ZNF470: variants seen among roughly 807,000 people sequenced by gnomAD.
ZNF470 encodes zinc finger protein 470.
A neutral mutation model predicts 13.9 loss-of-function variants in ZNF470; 13 were observed. That is an observed-to-expected ratio of 0.94 (90% CI 0.61 to 1.49). The LOEUF is 1.49. Ranked by LOEUF, ZNF470 falls within the 40% of genes most tolerant of loss-of-function variation. The pLI, the probability that ZNF470 is intolerant of heterozygous loss-of-function variation, is 0.00. For synonymous variants in ZNF470, 293 were observed against 282.9 expected, an observed-to-expected ratio of 1.04 and a Z score of -0.36; for missense variants, 929 against 857.3, an observed-to-expected ratio of 1.08 and a Z score of -1.04.
In ZNF470 at chr19:56,577,418, A is replaced by T; in HGVS notation, c.989A>T (p.His330Leu). The change falls in exon 6 of 6, where the codon CAT becomes CTT. Residue 330 changes from histidine to leucine, a missense_variant. Coordinates refer to ENST00000330619, the MANE Select transcript of ZNF470 (RefSeq NM_001001668.4). ...AGCCAGCTTGCACACCTTGCTCAAC[A>T]TCAGAGGGTCCACACTGGAGAGAAA... is the stretch of plus-strand genomic sequence containing the variant. Reference protein sequence around the residue: ...AFSQLAHLAQHQRVHTGEKPY... With the variant: ...AFSQLAHLAQLQRVHTGEKPY... The T allele has an allele frequency of 3.1e-6, 5 of 1,614,082 alleles. No homozygotes were observed. Among genetic ancestry groups the T allele is most frequent in the Non-Finnish European group, 4.2e-6 (5 of 1,179,978 alleles).
At position 56,576,714 on chromosome 19, in the gene ZNF470, C is replaced by T; in HGVS notation, c.285C>T (p.Asp95=). 7.1e-7 allele frequency: 1 copy of T among 1,399,726 alleles called. No individual in the cohort carries two copies. Among genetic ancestry groups the T allele is most frequent in the Non-Finnish European group, 9.3e-7 (1 of 1,070,690 alleles). 86.7% of individuals were successfully genotyped at this position (1,399,726 alleles called of 1,614,324 possible). ...KGGMNRGLCP[D]LECVWVTKSL... Reference sequence around the variant, plus strand: ...ATTTACTTTCTTAATATCTTTCAGACTTGGAGTGTGTGTGGGTGACCAAAT... The same window carrying T: ...ATTTACTTTCTTAATATCTTTCAGATTTGGAGTGTGTGTGGGTGACCAAAT... Residue 95 remains aspartate, a splice_region_variant and synonymous_variant, in exon 6 of 6, where the codon GAC becomes GAT. Transcript: ENST00000330619.
At position 56,568,012 on chromosome 19, in the gene ZNF470, C is replaced by T. The variant is rs2044423875; in HGVS notation, c.-185C>T. 1.0e-6 allele frequency: 1 copy of T among 985,562 alleles called. No homozygotes were observed. The highest frequency in any genetic ancestry group is 1.7e-5 in the African/African-American group (1 of 57,350). The allele number at this position is 985,562 out of a possible 1,614,324, so 61.1% of individuals were successfully genotyped here. On this transcript the variant is annotated 5_prime_UTR_variant, in exon 1 of 6. Coordinates refer to ENST00000330619, the MANE Select transcript of ZNF470 (RefSeq NM_001001668.4). Reference sequence around the variant, plus strand: ...TCCATGTCCACAGGACGGCGAGGAGCGAAGACCATGGGGACTGAGTACACA... The same window carrying T: ...TCCATGTCCACAGGACGGCGAGGAGTGAAGACCATGGGGACTGAGTACACA...
chr19:56,576,187 A>G (rs1378356634), intron 5 of ZNF470, among the ~76,000 whole-genome samples: 1 of 152,200 alleles, frequency 6.6e-6, no homozygotes, highest in Non-Finnish European at 1.5e-5. Flanking sequence ...CTAGAAGAAT[A>G]TAATAATGTA....
rs2044524330 is a variant in ZNF470 at position 56,580,113 on chromosome 19, C to G, written c.*1530C>G. 4.1e-6 allele frequency: 4 copies of G among 979,128 alleles called. No individual in the cohort carries two copies. The South Asian group carries it at 1.4e-4, about 35-fold the overall frequency. 60.7% of individuals were successfully genotyped at this position (979,128 alleles called of 1,614,324 possible). ...AAAGAGAAATGATATAAAAAAGAAG[C>G]TAGGGAGTGCTGGATCAGGCACCTT... On this transcript the variant is annotated 3_prime_UTR_variant, in exon 6 of 6. Transcript: ENST00000330619.
Position 56,567,776 on chromosome 19 carries a change from G to A in ZNF470, c.-421G>A. The A allele has an allele frequency of 5.1e-6, 5 of 987,270 alleles. No individual in the cohort carries two copies. Among genetic ancestry groups the A allele is most frequent in the Non-Finnish European group, 6.0e-6 (5 of 831,336 alleles). The allele number at this position is 987,270 out of a possible 1,614,324, so 61.2% of individuals were successfully genotyped here. A position where few individuals can be genotyped will look rare whatever the true frequency, so the allele number is the denominator to read the frequency against. ...TGCATGGCCCGGCGGCGTGCGGAAG[G>A]CGGTGTGTGTTGGAATGAGTGAAGC... is the stretch of plus-strand genomic sequence containing the variant. On this transcript the variant is annotated 5_prime_UTR_variant, in exon 1 of 6. Transcript: ENST00000330619.
rs1431144512 is a variant in ZNF470, at chr19:56,568,886, AG to A, written c.-33+5del. 2 of 152,226 alleles carry A rather than the reference AG, an allele frequency of 1.3e-5. No individual in the cohort carries two copies. The highest frequency in any genetic ancestry group is 1.3e-4 in the Admixed American group (2 of 15,284). 9.4% of individuals were successfully genotyped at this position (152,226 alleles called of 1,614,324 possible). A position where few individuals can be genotyped will look rare whatever the true frequency, so the allele number is the denominator to read the frequency against. On this transcript the variant is annotated splice_donor_region_variant and intron_variant, in intron 2 of 5. Transcript: ENST00000330619. ...AGTTTCCTCAACTACTGCCTCAGGT[AG>A]GTTTCTTAGCCACTTTTGACAATTA...
Position 56,581,909 on chromosome 19 carries a change from C to T in ZNF470, c.*3326C>T, listed in dbSNP as rs2044539035. On this transcript the variant is annotated 3_prime_UTR_variant, in exon 6 of 6. Transcript: ENST00000330619. ...GATGCAGTTATTCTTTTGATTGGTC[C>T]TTGGAACCACCCTGGTTTTTGTACT... 2 of 985,404 alleles carry T rather than the reference C, an allele frequency of 2.0e-6. No homozygotes were observed. Among genetic ancestry groups the T allele is most frequent in the Non-Finnish European group, 2.4e-6 (2 of 829,920 alleles). The allele number at this position is 985,404 out of a possible 1,614,324, so 61.0% of individuals were successfully genotyped here. A position where few individuals can be genotyped will look rare whatever the true frequency, so the allele number is the denominator to read the frequency against.
intron 3 of ZNF470, 36 bp downstream of exon 3, chr19:56,570,407 T>A: frequency 6.2e-7 from 1 of 1,607,108 alleles, no homozygotes; most frequent in Non-Finnish European, 8.5e-7. Context: ...ACTAAAATAG[T>A]TTTGCTTTTC....
rs983981259 is a variant in ZNF470, at chr19:56,579,677, A to G, written c.*1094A>G. On this transcript the variant is annotated 3_prime_UTR_variant, in exon 6 of 6. Coordinates refer to ENST00000330619, the MANE Select transcript of ZNF470 (RefSeq NM_001001668.4). ...TGAGATTGACAAGACATGCCAAAAC[A>G]TAAAAATATGTACACTGCAATTAGT... The G allele has an allele frequency of 2.0e-6, 2 of 985,308 alleles. No homozygotes were observed. The highest frequency in any genetic ancestry group is 1.2e-4 in the Admixed American group (2 of 16,266). 61.0% of individuals were successfully genotyped at this position (985,308 alleles called of 1,614,324 possible). A position where few individuals can be genotyped will look rare whatever the true frequency, so the allele number is the denominator to read the frequency against.
intron 3 of ZNF470, among the ~76,000 whole-genome samples, chr19:56,570,934 G>A (rs2044447593): frequency 6.6e-6 from 1 of 152,174 alleles, no homozygotes; most frequent in African/African-American, 2.4e-5. Flanking sequence ...ATGGCAAGAG[G>A]AAGTCTACCG....
chr19:56,577,354 G>A lies in ZNF470; in HGVS notation c.925G>A (p.Glu309Lys), dbSNP rs1364260137. ...LVQHQRVHTGEKPYQCKQCNK... is the reference protein window; with the variant it reads ...LVQHQRVHTGKKPYQCKQCNK... Reference sequence around the variant, plus strand: ...TCAACACCAGAGAGTTCATACTGGAGAGAAACCTTATCAGTGTAAGCAGTG... The same window carrying A: ...TCAACACCAGAGAGTTCATACTGGAAAGAAACCTTATCAGTGTAAGCAGTG... Residue 309 changes from glutamate (E) to lysine (K), a missense_variant, in exon 6 of 6, where the codon GAG (glutamate) becomes AAG (lysine). Glu to Lys is a moderately conservative substitution (Grantham distance 56). Coordinates refer to ENST00000330619, the MANE Select transcript of ZNF470 (RefSeq NM_001001668.4). 6.2e-7 allele frequency: 1 copy of A among 1,613,748 alleles called. No homozygotes were observed.
intron 2 of ZNF470, among the ~76,000 whole-genome samples, chr19:56,569,912 C>A (rs1277007946): frequency 1.3e-5 from 2 of 152,104 alleles, no homozygotes; most frequent in African/African-American, 4.8e-5. Flanking sequence ...ATCCCTTGAG[C>A]CCAGAGTTTG....
At position 56,578,649 on chromosome 19, in the gene ZNF470, T is replaced by TC. The variant is rs1400059161; in HGVS notation, c.*68dup. ...TCCAGCACATGTCCCATCATCATAG[T>TC]CCAAGACGCAACCATCTCATCTGGA... On this transcript the variant is annotated 3_prime_UTR_variant, in exon 6 of 6. Coordinates refer to ENST00000330619, the MANE Select transcript of ZNF470 (RefSeq NM_001001668.4). 7.2e-7 allele frequency: 1 copy of TC among 1,382,666 alleles called. No individual in the cohort carries two copies. Among genetic ancestry groups the TC allele is most frequent in the African/African-American group, 1.4e-5 (1 of 69,270 alleles). The allele number at this position is 1,382,666 out of a possible 1,614,324, so 85.6% of individuals were successfully genotyped here. A position where few individuals can be genotyped will look rare whatever the true frequency, so the allele number is the denominator to read the frequency against.
At position 56,575,986 on chromosome 19, in the gene ZNF470, C is replaced by T. The variant is rs573892624; in HGVS notation, c.284-727C>T. Among the ~76,000 whole-genome samples the T allele has an allele frequency of 5.9e-5, 9 of 152,058 alleles. No homozygotes were observed. The East Asian group carries it at 1.2e-3, about 20-fold the overall frequency. ...GGAATAAATGAATTAGAAACAGTAG[C>T]GCTACTGAAAATAAAGTATTGTACA... On this transcript the variant is annotated intron_variant, in intron 5 of 5. Transcript: ENST00000330619.
rs1259445084 is a variant in ZNF470 at position 56,574,816 on chromosome 19, C to T, written c.283+83C>T. 4.1e-6 allele frequency: 5 copies of T among 1,223,706 alleles called. No individual in the cohort carries two copies. The African/African-American group carries it at 6.1e-5, about 15-fold the overall frequency. 75.8% of individuals were successfully genotyped at this position (1,223,706 alleles called of 1,614,324 possible). A position where few individuals can be genotyped will look rare whatever the true frequency, so the allele number is the denominator to read the frequency against. ...AGTGTGTTGGAAAACACCTCTCAAACTCCCTCCCAAACTGAAACTTGTTCT... is the reference window on the plus strand; with the variant it reads ...AGTGTGTTGGAAAACACCTCTCAAATTCCCTCCCAAACTGAAACTTGTTCT... On this transcript the variant is annotated intron_variant, in intron 5 of 5. Transcript: ENST00000330619.
At chr19:56,570,171 T>C in intron 2 of ZNF470, 109 bp from the exon 3 acceptor site, 1 of 702,144 alleles carries the variant, frequency 1.4e-6, no homozygotes. Flanking sequence ...GGTGGGGGAG[T>C]TGGAGTGAGG....
In ZNF470 at chr19:56,582,368, A is replaced by G. The variant is rs2044541736; in HGVS notation, c.*3785A>G. ...AAAAAATTCACCTAAGGGATTTTGTATGATATTGTTGAAAGATGTCTTACA... is the reference window on the plus strand; with the variant it reads ...AAAAAATTCACCTAAGGGATTTTGTGTGATATTGTTGAAAGATGTCTTACA... On this transcript the variant is annotated 3_prime_UTR_variant, in exon 6 of 6. Coordinates refer to ENST00000330619, the MANE Select transcript of ZNF470 (RefSeq NM_001001668.4). The G allele has an allele frequency of 1.0e-6, 1 of 985,384 alleles. No individual in the cohort carries two copies. The highest frequency in any genetic ancestry group is 1.2e-6 in the Non-Finnish European group (1 of 829,898). 61.0% of individuals were successfully genotyped at this position (985,384 alleles called of 1,614,324 possible). A position where few individuals can be genotyped will look rare whatever the true frequency, so the allele number is the denominator to read the frequency against.
intron 5 of ZNF470, among the ~76,000 whole-genome samples, chr19:56,576,360 C>G (rs2044488317): frequency 6.6e-6 from 1 of 151,948 alleles, no homozygotes; most frequent in South Asian, 2.1e-4. Context: ...TTAAATTGTT[C>G]TGGGATAGAG....
Position 56,577,676 on chromosome 19 carries a change from A to G in ZNF470, c.1247A>G (p.Lys416Arg). 1 of 1,610,958 alleles carries G rather than the reference A, an allele frequency of 6.2e-7. No individual in the cohort carries two copies. Among genetic ancestry groups the G allele is most frequent in the Non-Finnish European group, 8.5e-7 (1 of 1,177,516 alleles). The change falls in exon 6 of 6, where the codon AAG becomes AGG. Residue 416 changes from lysine to arginine, a missense_variant. Lys to Arg is a conservative substitution (Grantham distance 26, BLOSUM62 2). Transcript: ENST00000330619. Reference protein sequence around the residue: ...FTDHIGLIQHKRTHTGERPYK... With the variant: ...FTDHIGLIQHRRTHTGERPYK... ...GATCACATAGGACTTATTCAGCATA[A>G]GAGAACTCATACTGGAGAGAGACCT...
Sources: gnomAD v4.1 joint callset for allele counts (sites outside exome capture counted in the v4.1 genomes callset) on GRCh38, gnomAD v4.1.1 for gene constraint, MANE v1.5 for transcripts, NCBI Gene and HGNC (gene_info 2026-07-23, HGNC 2026-07-21) for gene names.